The following PTPRD variants were observed in gnomAD, a reference collection of about 807,000 sequenced individuals.
The protein encoded by PTPRD is protein tyrosine phosphatase receptor type D.
Under a neutral mutation model 214.5 loss-of-function variants are expected in PTPRD, and 34 were observed. That is an observed-to-expected ratio of 0.16 (90% confidence interval 0.12 to 0.21). The LOEUF (loss-of-function observed/expected upper bound fraction) is 0.21. Among genes scored for constraint, PTPRD ranks in the 10% least tolerant of loss-of-function variants. The pLI is 1.00. For missense variants in PTPRD, 2,545 were observed against 2,398.7 expected (o/e 1.06, Z -1.27); for synonymous variants, 1,128 against 845.7 (o/e 1.33, Z -5.79).
intron 5 of PTPRD, among the ~76,000 whole-genome samples, chr9:9,930,401 C>G (rs1459708807): frequency 6.6e-6 from 1 of 152,156 alleles, no homozygotes; most frequent in Non-Finnish European, 1.5e-5. Flanking sequence ...GAGAAAGAGA[C>G]TGTTAACAAT....
At chr9:9,300,151 C>A (rs1225319594) in intron 9 of PTPRD, among the ~76,000 whole-genome samples, 1 of 150,966 alleles carries the variant, frequency 6.6e-6, no homozygotes, top group Non-Finnish European at 1.5e-5. Flanking sequence ...GGTACTTAGA[C>A]TGACTTTTAA....
intron 10 of PTPRD, among the ~76,000 whole-genome samples, chr9:9,144,524 C>A (rs1038399002): frequency 2.6e-5 from 4 of 152,124 alleles, no homozygotes; most frequent in African/African-American, 9.6e-5. Flanking sequence ...GAGGCTGAGG[C>A]GGGTGGATCA....
At chr9:10,564,790 T>C (rs942700974) in intron 2 of PTPRD, among the ~76,000 whole-genome samples, 9 of 152,200 alleles carry the variant, frequency 5.9e-5, no homozygotes, top group Non-Finnish European at 1.2e-4. Flanking sequence ...ACACCTAGAA[T>C]AGTTTTCCTT....
intron 8 of PTPRD, among the ~76,000 whole-genome samples, chr9:9,470,597 C>G (rs1026581109): frequency 5.3e-5 from 8 of 152,188 alleles, no homozygotes; most frequent in Admixed American, 5.2e-4. Context: ...ATAAAGGCAG[C>G]TGTCCTCTTT....
At chr9:8,712,552 G>C (rs1256999179) in intron 12 of PTPRD, among the ~76,000 whole-genome samples, 2 of 151,942 alleles carry the variant, frequency 1.3e-5, no homozygotes, top group Admixed American at 6.6e-5. Flanking sequence ...CAGAACAACA[G>C]TCATTTACAA....
intron 10 of PTPRD, among the ~76,000 whole-genome samples, chr9:9,157,877 A>AC (rs2099882640): frequency 6.6e-6 from 1 of 151,420 alleles, no homozygotes; most frequent in African/African-American, 2.4e-5. Flanking sequence ...CCCTTGCCTG[A>AC]CCCCCCAACA....
rs145359472 is a variant in PTPRD at position 9,650,222 on chromosome 9, A to T, written c.-286-75441T>A. Among the ~76,000 whole-genome samples, 1,077 of 152,198 alleles carry T rather than the reference A, an allele frequency of 7.1e-3. 11 individuals are homozygous for T. Among genetic ancestry groups the T allele is most frequent in the African/African-American group, 0.025 (1,043 of 41,522 alleles). The stretch of plus-strand genomic sequence containing the variant: ...CATGTAAGATGTGCCTTGCTTCCCC[A>T]TTGCCTTCTGCCATAATTATAAGCT... On this transcript the variant is annotated intron_variant, in intron 7 of 45. Transcript: ENST00000381196.
intron 5 of PTPRD, among the ~76,000 whole-genome samples, chr9:9,842,978 A>G (rs1382933112): frequency 6.6e-6 from 1 of 152,142 alleles, no homozygotes; most frequent in East Asian, 1.9e-4. Context: ...ACTAGTCTAC[A>G]CTGTAAGGCA....
At chr9:10,436,610 C>G (rs749246624) in intron 2 of PTPRD, among the ~76,000 whole-genome samples, 4 of 151,930 alleles carry the variant, frequency 2.6e-5, no homozygotes, top group Non-Finnish European at 5.9e-5. Flanking sequence ...CATATACACA[C>G]ACACCCCTAC....
chr9:8,571,136 T>C lies in PTPRD; in HGVS notation c.353-42357A>G, dbSNP rs1270485003. ...ATTTTTACCTTGAGCAATAAGCCCA[T>C]TTGGTGTTTATCACCAGAGTTGAAC... On this transcript the variant is annotated intron_variant, in intron 14 of 45. Transcript: ENST00000381196. 3.3e-5 allele frequency among the ~76,000 whole-genome samples: 5 copies of C among 152,086 alleles called. No homozygotes were observed. In the South Asian group the frequency reaches 8.3e-4, roughly 25 times the overall value.
At chr9:10,537,278 C>T (rs140956170) in intron 2 of PTPRD, among the ~76,000 whole-genome samples, 92 of 152,280 alleles carry the variant, frequency 6.0e-4, no homozygotes, top group African/African-American at 2.1e-3. Flanking sequence ...TCTCTTACAA[C>T]TCAGCCTTCT....
chr9:8,390,007 T>C (rs948924620), intron 36 of PTPRD, among the ~76,000 whole-genome samples: 1 of 152,120 alleles, frequency 6.6e-6, no homozygotes, highest in Non-Finnish European at 1.5e-5. Context: ...GGTTTAATCC[T>C]AGGCTACTCG....
At chr9:10,417,950 G>C (rs1160680524) in intron 2 of PTPRD, among the ~76,000 whole-genome samples, 6 of 150,846 alleles carry the variant, frequency 4.0e-5, no homozygotes, top group Non-Finnish European at 8.9e-5. Context: ...TTTACACTGT[G>C]AATATATCAT....
chr9:8,467,239 T>C (rs977226548), intron 31 of PTPRD, among the ~76,000 whole-genome samples: 1 of 151,894 alleles, frequency 6.6e-6, no homozygotes, highest in East Asian at 1.9e-4. Context: ...TTAGCAAAAT[T>C]GGACCATCCC....
intron 9 of PTPRD, among the ~76,000 whole-genome samples, chr9:9,214,486 T>TC (rs1231294574): frequency 6.6e-6 from 1 of 151,144 alleles, no homozygotes; most frequent in Non-Finnish European, 1.5e-5. Context: ...GAGGAGGATT[T>TC]TTTTTTTTTT....
intron 9 of PTPRD, among the ~76,000 whole-genome samples, chr9:9,250,489 G>C (rs973426518): frequency 3.3e-5 from 5 of 152,012 alleles, no homozygotes; most frequent in African/African-American, 9.7e-5. Context: ...ATGTTTCTTA[G>C]CTCTTTAGAT....
intron 44 of PTPRD, among the ~76,000 whole-genome samples, chr9:8,322,144 C>G (rs1018136329): frequency 6.6e-6 from 1 of 152,028 alleles, no homozygotes; most frequent in Non-Finnish European, 1.5e-5. Flanking sequence ...CAGCAGTTTC[C>G]CCATCTGTCT....
chr9:8,600,592 C>T (rs1030175884), intron 14 of PTPRD, among the ~76,000 whole-genome samples: 1 of 151,804 alleles, frequency 6.6e-6, no homozygotes, highest in Non-Finnish European at 1.5e-5. Context: ...TAGGATGGGG[C>T]ACTGGTCAGG....
intron 11 of PTPRD, among the ~76,000 whole-genome samples, chr9:8,892,608 T>C (rs1271918555): frequency 6.8e-6 from 1 of 147,448 alleles, no homozygotes; most frequent in East Asian, 1.9e-4. Flanking sequence ...TATATATGTG[T>C]GTATATATAT....
Sources: gnomAD v4.1 joint callset for allele counts (sites outside exome capture counted in the v4.1 genomes callset) on GRCh38, gnomAD v4.1.1 for gene constraint, MANE v1.5 for transcripts, NCBI Gene and HGNC (gene_info 2026-07-23, HGNC 2026-07-21) for gene names.